HEATR5A: variants seen among roughly 807,000 people sequenced by gnomAD.
HEATR5A encodes HEAT repeat containing 5A, also known as HEAT repeat-containing protein 5A.
In HEATR5A, 178 loss-of-function variants were observed where a neutral mutation model predicts 218.8. The ratio of observed to expected loss-of-function variants is 0.81; its 90% CI spans 0.72 to 0.92. The LOEUF is 0.92. Ranked by LOEUF, HEATR5A falls within the 40% of genes least tolerant of loss-of-function variation. The pLI is 0.00. For synonymous variants in HEATR5A, 864 were observed against 871.6 expected (o/e 0.99, Z 0.15); for missense variants, 2,420 against 2,418.9 (o/e 1.00, Z -0.01).
At chr14:31,300,576 C>T (rs1227477325) in intron 33 of HEATR5A, among the ~76,000 whole-genome samples, 1 of 152,066 alleles carries the variant, frequency 6.6e-6, no homozygotes, top group African/African-American at 2.4e-5. Context: ...GGATCAGTCT[C>T]AGCTAGAGAT....
chr14:31,380,398 A>G, intron 11 of HEATR5A, 69 bp downstream of exon 11: 1 of 952,854 alleles, frequency 1.0e-6, no homozygotes, highest in East Asian at 2.7e-5. Context: ...ATCAAATCAC[A>G]TATAAGAATC....
intron 29 of HEATR5A, 114 bp from the exon 30 acceptor site, chr14:31,308,134 CAAAT>C: frequency 1.1e-6 from 1 of 931,872 alleles, no homozygotes; most frequent in Non-Finnish European, 1.6e-6. Context: ...AAAGGTAATA[CAAAT>C]AAATCACAAT....
chr14:31,381,222 C>A (rs563687698), intron 10 of HEATR5A, among the ~76,000 whole-genome samples: 1 of 152,210 alleles, frequency 6.6e-6, no homozygotes, highest in Admixed American at 6.5e-5. Context: ...AAACTCCAGC[C>A]TGGGCAACAG....
chr14:31,410,231 G>C (rs1379660178), intron 1 of HEATR5A, among the ~76,000 whole-genome samples: 1 of 152,030 alleles, frequency 6.6e-6, no homozygotes, highest in African/African-American at 2.4e-5. Flanking sequence ...AAAAGACACC[G>C]TAACAGCTTC....
At chr14:31,302,585 T>G (rs1192891177) in intron 32 of HEATR5A, 66 bp from the exon 33 acceptor site, 11 of 1,052,922 alleles carry the variant, frequency 1.0e-5, no homozygotes, top group Middle Eastern at 2.9e-4. Context: ...TAAAAAGAAA[T>G]CATCAAGGAG....
chr14:31,394,289 T>C (rs1450301961), intron 5 of HEATR5A, 63 bp from the exon 6 acceptor site: 2 of 1,039,378 alleles, frequency 1.9e-6, no homozygotes, highest in African/African-American at 3.3e-5. Context: ...TTCAGAGCTA[T>C]GTAAGTTGCA....
chr14:31,293,822 T>C, intron 35 of HEATR5A, 69 bp downstream of exon 35: 1 of 1,303,598 alleles, frequency 7.7e-7, no homozygotes, highest in African/African-American at 1.5e-5. Context: ...CTGATTGTTT[T>C]GCAATTTAAA....
intron 25 of HEATR5A, chr14:31,320,611 G>C (rs760381370): frequency 6.8e-6 from 5 of 731,398 alleles, no homozygotes; most frequent in African/African-American, 1.7e-5. Flanking sequence ...CTGGAGAAAT[G>C]AGTAATACCC....
chr14:31,387,541 G>GT (rs1413126826), intron 7 of HEATR5A, among the ~76,000 whole-genome samples, 166 bp from the exon 8 acceptor site: 1 of 147,764 alleles, frequency 6.8e-6, no homozygotes, highest in Non-Finnish European at 1.5e-5. Flanking sequence ...TTTTGTTTTT[G>GT]TTTAAGCCAG....
At chr14:31,402,816 T>TA (rs751150099) in intron 2 of HEATR5A, 34 bp downstream of exon 2, 1 of 1,533,874 alleles carries the variant, frequency 6.5e-7, no homozygotes. Flanking sequence ...CATGGGCACT[T>TA]AAACAAAAAA....
At chr14:31,303,109 TA>T (rs60210179) in intron 32 of HEATR5A, among the ~76,000 whole-genome samples, 5 of 146,910 alleles carry the variant, frequency 3.4e-5, no homozygotes, top group Non-Finnish European at 1.5e-5. Flanking sequence ...AGACCCTGTC[TA>T]AAAAAAAAAC....
At chr14:31,406,056 T>C (rs981298673) in intron 1 of HEATR5A, among the ~76,000 whole-genome samples, 5 of 152,170 alleles carry the variant, frequency 3.3e-5, no homozygotes, top group African/African-American at 1.2e-4. Context: ...GCACTACCAA[T>C]GTGATAAGCA....
Position 31,336,217 on chromosome 14 carries a change from CATATATAT to C in HEATR5A, c.3367+1251_3367+1258del, listed in dbSNP as rs3033610. On this transcript the variant is annotated intron_variant, in intron 22 of 35. Coordinates refer to ENST00000543095, the MANE Select transcript of HEATR5A (RefSeq NM_015473.4). ...GGTTATTTTTATATATACATACATA[CATATATAT>C]ATATATATATATATATATATATATA... Among the ~76,000 whole-genome samples the C allele has an allele frequency of 3.8e-3, 145 of 38,210 alleles. 6 individuals carry two copies. The highest frequency in any genetic ancestry group is 0.019 in the South Asian group (20 of 1,034). The allele number at this position is 38,210 out of a possible 152,430, so 25.1% of individuals were successfully genotyped here. A position where few individuals can be genotyped will look rare whatever the true frequency, so the allele number is the denominator to read the frequency against.
chr14:31,337,306 AC>A (rs1595112059), intron 22 of HEATR5A, among the ~76,000 whole-genome samples, 169 bp downstream of exon 22: 1 of 152,350 alleles, frequency 6.6e-6, no homozygotes, highest in East Asian at 1.9e-4. Flanking sequence ...TTTGAGAACC[AC>A]CACTCTAAAT....
chr14:31,331,547 A>G (rs897719965), intron 22 of HEATR5A, among the ~76,000 whole-genome samples: 1 of 151,964 alleles, frequency 6.6e-6, no homozygotes, highest in African/African-American at 2.4e-5. Flanking sequence ...ACTGCCTATT[A>G]CCCAATTCTA....
chr14:31,323,848 AT>A, intron 23 of HEATR5A, 44 bp from the exon 24 acceptor site: 2 of 12,774 alleles, frequency 1.6e-4, no homozygotes, highest in Non-Finnish European at 8.1e-4. Flanking sequence ...CAACTGAAAG[AT>A]ATATATATAT....
chr14:31,344,364 G>T (rs79627795), intron 20 of HEATR5A, among the ~76,000 whole-genome samples: 3 of 142,138 alleles, frequency 2.1e-5, no homozygotes, highest in Non-Finnish European at 4.5e-5. Context: ...AGCAACCCCC[G>T]GCTTCCGGGT....
chr14:31,405,128 C>T (rs2031014440), intron 1 of HEATR5A, among the ~76,000 whole-genome samples: 1 of 144,886 alleles, frequency 6.9e-6, no homozygotes, highest in African/African-American at 2.5e-5. Context: ...GTCACTTTTA[C>T]AGAACAAAGA....
intron 1 of HEATR5A, among the ~76,000 whole-genome samples, chr14:31,403,846 G>T (rs1024038012): frequency 1.6e-4 from 24 of 152,280 alleles, no homozygotes; most frequent in Admixed American, 5.2e-4. Context: ...GCATATAAGT[G>T]TATGTATATA....
Sources: gnomAD v4.1 joint callset for allele counts (sites outside exome capture counted in the v4.1 genomes callset) on GRCh38, gnomAD v4.1.1 for gene constraint, MANE v1.5 for transcripts, NCBI Gene and HGNC (gene_info 2026-07-23, HGNC 2026-07-21) for gene names.